The following MMAB variants were observed in gnomAD, a reference collection of about 807,000 sequenced individuals.
MMAB encodes metabolism of cobalamin associated B, also known as corrinoid adenosyltransferase MMAB.
Under a neutral mutation model 30.6 loss-of-function variants are expected in MMAB, and 17 were observed. That is an observed-to-expected ratio of 0.56 (90% confidence interval 0.38 to 0.83). The LOEUF is 0.83. Among genes scored for constraint, MMAB ranks in the 40% least tolerant of loss-of-function variants. MMAB has a pLI of 0.00. For missense variants in MMAB, 311 were observed against 331.6 expected (o/e 0.94, Z 0.48); for synonymous variants, 134 against 138.6 (o/e 0.97, Z 0.23).
At chr12:109,571,038 G>A (rs890209490) in intron 2 of MMAB, among the ~76,000 whole-genome samples, 1 of 152,044 alleles carries the variant, frequency 6.6e-6, no homozygotes, top group African/African-American at 2.4e-5. Flanking sequence ...CCTTCTGTTT[G>A]TTCCCCTCTC....
intron 3 of MMAB, among the ~76,000 whole-genome samples, chr12:109,566,096 C>T (rs1488598398): frequency 6.6e-6 from 1 of 152,026 alleles, no homozygotes; most frequent in Non-Finnish European, 1.5e-5. Flanking sequence ...ATTCTGGAGT[C>T]ACTCAGCAGG....
In MMAB at chr12:109,555,896, G is replaced by A. The variant is rs147691711; in HGVS notation, c.*1132C>T. On this transcript the variant is annotated 3_prime_UTR_variant, in exon 9 of 9. Coordinates refer to ENST00000545712, the MANE Select transcript of MMAB (RefSeq NM_052845.4). ...GATGGCCGGAAAGACCAGCTGTCCC[G>A]AGCCTAGCGCGGTGGCCCATGCTAA... 1.8e-4 allele frequency: 80 copies of A among 454,090 alleles called. No individual in the cohort carries two copies. Among genetic ancestry groups the A allele is most frequent in the African/African-American group, 1.3e-3 (65 of 50,134 alleles). 28.1% of individuals were successfully genotyped at this position (454,090 alleles called of 1,614,324 possible). A position where few individuals can be genotyped will look rare whatever the true frequency, so the allele number is the denominator to read the frequency against.
intron 2 of MMAB, among the ~76,000 whole-genome samples, chr12:109,570,264 A>G (rs1212215555): frequency 2.0e-5 from 3 of 152,094 alleles, no homozygotes; most frequent in Admixed American, 6.6e-5. Context: ...CTCAAAAAAC[A>G]AAAAAAGATA....
rs1724721213 is a variant in MMAB, at chr12:109,556,086, C to T, written c.*942G>A. 2.2e-6 allele frequency: 1 copy of T among 453,904 alleles called. No homozygotes were observed. Among genetic ancestry groups the T allele is most frequent in the Non-Finnish European group, 4.4e-6 (1 of 226,746 alleles). 28.1% of individuals were successfully genotyped at this position (453,904 alleles called of 1,614,324 possible). On this transcript the variant is annotated 3_prime_UTR_variant, in exon 9 of 9. Coordinates refer to ENST00000545712, the MANE Select transcript of MMAB (RefSeq NM_052845.4). ...TCTGCCCTTCATAAATATTGCCTTTCCCAAGGACACTGCTGGCACTGGCAG... is the reference window on the plus strand; with the variant it reads ...TCTGCCCTTCATAAATATTGCCTTTTCCAAGGACACTGCTGGCACTGGCAG...
At position 109,554,616 on chromosome 12, in the gene MMAB, G is replaced by T. The variant is rs1289585032; in HGVS notation, c.*2412C>A. ...TGTTTCTGAGAGTTGCCAGTGGTGT[G>T]CAAACACTGGGGCAGCGGGGGCTTC... On this transcript the variant is annotated 3_prime_UTR_variant, in exon 9 of 9. Transcript: ENST00000545712. 1 of 454,010 alleles carries T rather than the reference G, an allele frequency of 2.2e-6. No homozygotes were observed. The highest frequency in any genetic ancestry group is 4.4e-6 in the Non-Finnish European group (1 of 226,802). The allele number at this position is 454,010 out of a possible 1,614,324, so 28.1% of individuals were successfully genotyped here.
chr12:109,557,223 G>A (rs1884012054), intron 8 of MMAB, 87 bp from the exon 9 acceptor site: 1 of 934,554 alleles, frequency 1.1e-6, no homozygotes, highest in Admixed American at 1.8e-5. Context: ...CGCCTACAAG[G>A]AGGAGATATA....
rs1309162734 is a variant in MMAB, at chr12:109,561,349, T to G, written c.519+71A>C. ...CTGTCACTGTGAAAAGAGGGATTTA[T>G]TCAGAGCCCATGTGTGTCTGTCACT... On this transcript the variant is annotated intron_variant, in intron 6 of 8. Transcript: ENST00000545712. This position sits in a 1 kb window ranked among gnomAD's most constrained non-coding sequence, Gnocchi z 5.3. The G allele has an allele frequency of 6.5e-7, 1 of 1,542,160 alleles. No homozygotes were observed. The highest frequency in any genetic ancestry group is 8.7e-7 in the Non-Finnish European group (1 of 1,146,328).
chr12:109,572,343 C>G (rs1296484541), intron 1 of MMAB, among the ~76,000 whole-genome samples: 1 of 151,540 alleles, frequency 6.6e-6, no homozygotes, highest in Non-Finnish European at 1.5e-5. Flanking sequence ...CTCCCAGGCT[C>G]AAACAATCCT....
rs754154826 is a variant in MMAB, at chr12:109,557,146, C to CAG, written c.645-12_645-11dup. ...GAGATAGTCACTGAGTCTGGAGGGG[C>CAG]AGAGAGAGAGAAGCAAACAGAATGG... On this transcript the variant is annotated splice_polypyrimidine_tract_variant and intron_variant, in intron 8 of 8. Coordinates refer to ENST00000545712, the MANE Select transcript of MMAB (RefSeq NM_052845.4). 1.9e-6 allele frequency: 3 copies of CAG among 1,566,980 alleles called. No homozygotes were observed. Among genetic ancestry groups the CAG allele is most frequent in the Middle Eastern group, 1.7e-4 (1 of 5,976 alleles).
intron 8 of MMAB, among the ~76,000 whole-genome samples, chr12:109,557,417 A>T (rs1884018781): frequency 6.6e-6 from 1 of 151,736 alleles, no homozygotes; most frequent in Non-Finnish European, 1.5e-5. Context: ...ATGACTTTGG[A>T]CTCCTCTCTG....
intron 7 of MMAB, among the ~76,000 whole-genome samples, chr12:109,559,421 A>G (rs1023572727): frequency 2.6e-5 from 4 of 152,130 alleles, no homozygotes; most frequent in Non-Finnish European, 5.9e-5. Context: ...GGCCTACACC[A>G]CACCCCAGCC....
Position 109,556,620 on chromosome 12 carries a change from C to T in MMAB, c.*408G>A. 1 of 451,884 alleles carries T rather than the reference C, an allele frequency of 2.2e-6. No individual in the cohort carries two copies. Among genetic ancestry groups the T allele is most frequent in the Non-Finnish European group, 4.4e-6 (1 of 228,596 alleles). The allele number at this position is 451,884 out of a possible 1,614,324, so 28.0% of individuals were successfully genotyped here. On this transcript the variant is annotated 3_prime_UTR_variant, in exon 9 of 9. Coordinates refer to ENST00000545712, the MANE Select transcript of MMAB (RefSeq NM_052845.4). ...GGTCCCATTCCAAATCTGTGAACAA[C>T]CTGAGCTGGCAGTGGGAGGGCTCTC... is the stretch of plus-strand genomic sequence containing the variant.
Position 109,561,426 on chromosome 12 carries a change from G to T in MMAB, c.513C>A (p.Ile171=). Residue 171 remains isoleucine (I), a synonymous_variant, in exon 6 of 9, where the codon ATC becomes ATA. Transcript: ENST00000545712. This position sits in a 1 kb window ranked among gnomAD's most constrained non-coding sequence, Gnocchi z 5.3. ...AAGCCTGCCCAGTACCTACAGGCAG[G>T]ATGAAGGCCGTGAGTGGTGGGAGCT... ...TSQLPPLTAF[I]LPSGGKISSA... 1 of 1,550,848 alleles carries T rather than the reference G, an allele frequency of 6.4e-7. No individual in the cohort carries two copies.
Position 109,561,131 on chromosome 12 carries a change from A to G in MMAB, c.520-27T>C, listed in dbSNP as rs202018734. Reference sequence around the variant, plus strand: ...TGAAAGGAGAAAGGGACATTGCCTGAGCAGGGTGGGAAAGGTGTGCCCACT... The same window carrying G: ...TGAAAGGAGAAAGGGACATTGCCTGGGCAGGGTGGGAAAGGTGTGCCCACT... On this transcript the variant is annotated intron_variant, in intron 6 of 8. Transcript: ENST00000545712. This position sits in a 1 kb window ranked among gnomAD's most constrained non-coding sequence, Gnocchi z 5.3. The G allele has an allele frequency of 2.3e-5, 37 of 1,607,054 alleles. No individual in the cohort carries two copies. Among genetic ancestry groups the G allele is most frequent in the Non-Finnish European group, 3.1e-5 (37 of 1,179,908 alleles).
At chr12:109,570,015 A>C (rs754302090) in intron 2 of MMAB, 1 of 241,696 alleles carries the variant, frequency 4.1e-6, no homozygotes, top group Non-Finnish European at 8.7e-6. Flanking sequence ...TAATCCCAGG[A>C]CTTTGGGAGG....
At chr12:109,564,315 A>C (rs1313316797) in intron 4 of MMAB, among the ~76,000 whole-genome samples, 1 of 151,418 alleles carries the variant, frequency 6.6e-6, no homozygotes, top group Non-Finnish European at 1.5e-5. Context: ...CATTTAGTAC[A>C]ATCCTCCCCA....
intron 4 of MMAB, among the ~76,000 whole-genome samples, chr12:109,563,683 C>A (rs140302606): frequency 6.6e-6 from 1 of 152,216 alleles, no homozygotes; most frequent in Non-Finnish European, 1.5e-5. Context: ...CCGCTGCTAC[C>A]GCGGCTCCTC....
At chr12:109,572,273 C>A (rs1884671703) in intron 1 of MMAB, among the ~76,000 whole-genome samples, 1 of 151,930 alleles carries the variant, frequency 6.6e-6, no homozygotes, top group African/African-American at 2.4e-5. Flanking sequence ...GAGATGGGGT[C>A]TCACTCTGTC....
chr12:109,562,069 G>C (rs1884233019), intron 4 of MMAB, among the ~76,000 whole-genome samples: 1 of 152,172 alleles, frequency 6.6e-6, no homozygotes, highest in Admixed American at 6.5e-5. Flanking sequence ...TTGGATCATT[G>C]GGGTAGTTTT....
Sources: allele counts gnomAD v4.1 joint callset (sites outside exome capture counted in the v4.1 genomes callset), GRCh38; gene constraint gnomAD v4.1.1; non-coding constraint Gnocchi (gnomAD v3.1); transcripts MANE v1.5; gene names NCBI Gene and HGNC (gene_info 2026-07-23, HGNC 2026-07-21).